CCDC102B: variants seen among roughly 807,000 people sequenced by gnomAD.
CCDC102B encodes the protein coiled-coil domain-containing protein 102B.
CCDC102B carries 75 observed loss-of-function variants against 57.4 expected under a neutral mutation model. The ratio of observed to expected loss-of-function variants is 1.31; its 90% CI spans 1.08 to 1.58. The LOEUF (loss-of-function observed/expected upper bound fraction) is 1.58. CCDC102B is among the 40% of genes most tolerant of loss of function. The probability of loss-of-function intolerance (pLI) is 0.00; values close to 1 mark genes in which losing one functional copy is unlikely to be tolerated. For missense variants in CCDC102B, 636 were observed against 582.6 expected (o/e 1.09, Z -0.94); for synonymous variants, 206 against 201.9 (o/e 1.02, Z -0.17).
intron 7 of CCDC102B, among the ~76,000 whole-genome samples, chr18:69,013,352 T>A (rs1277778781): frequency 6.6e-6 from 1 of 152,026 alleles, no homozygotes; most frequent in Non-Finnish European, 1.5e-5. Flanking sequence ...GATAGTGGAA[T>A]GACAGACAAT....
intron 5 of CCDC102B, among the ~76,000 whole-genome samples, chr18:68,884,583 TACACACACAC>T (rs35333428): frequency 1.4e-5 from 2 of 147,898 alleles, no homozygotes; most frequent in Admixed American, 6.8e-5. Context: ...ACAATACAAA[TACACACACAC>T]ACACACACAC....
At chr18:68,715,369 C>T (rs1490635236) in intron 1 of CCDC102B, 4 of 552,526 alleles carry the variant, frequency 7.2e-6, no homozygotes, top group African/African-American at 4.2e-5. Context: ...GAGGTAGGCT[C>T]TGACGACGCA....
chr18:68,892,818 T>C (rs1167004169), intron 5 of CCDC102B, among the ~76,000 whole-genome samples: 1 of 152,216 alleles, frequency 6.6e-6, no homozygotes, highest in African/African-American at 2.4e-5. Flanking sequence ...TCTTGAGGGA[T>C]ACTGCAAAGC....
At chr18:68,912,490 T>G (rs1335002248) in intron 6 of CCDC102B, among the ~76,000 whole-genome samples, 1 of 152,234 alleles carries the variant, frequency 6.6e-6, no homozygotes, top group Non-Finnish European at 1.5e-5. Flanking sequence ...ATGTGGGGCC[T>G]GGAAATCTGT....
At chr18:68,911,762 A>AAAAAAAAAAAAAAAAAC (rs2040880235) in intron 6 of CCDC102B, among the ~76,000 whole-genome samples, 1 of 141,842 alleles carries the variant, frequency 7.1e-6, no homozygotes, top group African/African-American at 2.6e-5. Flanking sequence ...AAAAAAAAAA[A>AAAAAAAAAAAAAAAAAC]AAAAAAAAAA....
At chr18:69,028,478 TA>T (rs1599869643) in intron 7 of CCDC102B, among the ~76,000 whole-genome samples, 1 of 152,236 alleles carries the variant, frequency 6.6e-6, no homozygotes, top group East Asian at 1.9e-4. Context: ...ACCATGGAAA[TA>T]TTGTAGGAAG....
chr18:68,984,594 T>C (rs1462582388), intron 6 of CCDC102B, among the ~76,000 whole-genome samples: 1 of 152,136 alleles, frequency 6.6e-6, no homozygotes, highest in Non-Finnish European at 1.5e-5. Context: ...ACTGGACCCA[T>C]GTTGCACAAC....
chr18:68,737,123 G>T (rs1324717434), intron 2 of CCDC102B, among the ~76,000 whole-genome samples: 1 of 151,952 alleles, frequency 6.6e-6, no homozygotes, highest in Non-Finnish European at 1.5e-5. Flanking sequence ...GTTCCTGTTT[G>T]TCTGAGGGTG....
chr18:68,907,980 T>G (rs545888344), intron 6 of CCDC102B: 1 of 152,312 alleles, frequency 6.6e-6, no homozygotes, highest in Admixed American at 6.5e-5. Flanking sequence ...AATTTATTGT[T>G]TTCTTTTTTT....
chr18:68,885,038 A>G (rs1458964003), intron 5 of CCDC102B, among the ~76,000 whole-genome samples: 4 of 151,980 alleles, frequency 2.6e-5, no homozygotes, highest in Admixed American at 2.6e-4. Context: ...CTGGTAGTAG[A>G]AGTAGATTAA....
Position 69,046,629 on chromosome 18 carries a change from T to C in CCDC102B, c.1435-7401T>C, listed in dbSNP as rs559781345. Among the ~76,000 whole-genome samples the C allele has an allele frequency of 2.0e-5, 3 of 152,314 alleles. No individual in the cohort carries two copies. The South Asian group carries it at 6.2e-4, about 32-fold the overall frequency. On this transcript the variant is annotated intron_variant, in intron 7 of 7. Coordinates refer to ENST00000360242, the MANE Select transcript of CCDC102B (RefSeq NM_024781.3). ...CCCAATTGTCAATTTTTGCTTTTGT[T>C]GTAATTGCTTTTGGCATCTTTGTCA...
chr18:68,830,657 T>C (rs1217359060), intron 1 of CCDC102B, among the ~76,000 whole-genome samples: 1 of 151,460 alleles, frequency 6.6e-6, no homozygotes, highest in African/African-American at 2.4e-5. Context: ...ATATATATTC[T>C]ATATAATACA....
chr18:68,861,570 T>C (rs1360020063), intron 4 of CCDC102B, among the ~76,000 whole-genome samples: 1 of 152,198 alleles, frequency 6.6e-6, no homozygotes, highest in Non-Finnish European at 1.5e-5. Context: ...AAGAACCATT[T>C]GGATGGAGTA....
chr18:69,006,952 A>G (rs1437556070), intron 6 of CCDC102B, among the ~76,000 whole-genome samples: 1 of 152,230 alleles, frequency 6.6e-6, no homozygotes, highest in Non-Finnish European at 1.5e-5. Flanking sequence ...CAATTTGCAT[A>G]GCTCTCTGAT....
At chr18:68,768,752 C>A (rs991037958) in intron 2 of CCDC102B, among the ~76,000 whole-genome samples, 17 of 151,476 alleles carry the variant, frequency 1.1e-4, no homozygotes, top group African/African-American at 3.9e-4. Context: ...ATATTTATTT[C>A]TTATTTTATT....
chr18:69,017,496 ATCT>A (rs2051703494), intron 7 of CCDC102B, among the ~76,000 whole-genome samples: 1 of 152,046 alleles, frequency 6.6e-6, no homozygotes, highest in African/African-American at 2.4e-5. Flanking sequence ...TTATTTTTAA[ATCT>A]CTTCCTACCT....
chr18:68,805,399 C>G (rs969191449), intron 1 of CCDC102B, among the ~76,000 whole-genome samples: 1 of 152,066 alleles, frequency 6.6e-6, no homozygotes, highest in Non-Finnish European at 1.5e-5. Context: ...AAAGCCTGAT[C>G]AAGAGTGTAG....
chr18:68,804,764 G>A (rs1218202689), intron 1 of CCDC102B, among the ~76,000 whole-genome samples: 9 of 152,036 alleles, frequency 5.9e-5, no homozygotes, highest in South Asian at 2.1e-4. Context: ...ATGATACTGC[G>A]ACTTCAAGAG....
At chr18:68,954,382 T>A (rs987599726) in intron 6 of CCDC102B, among the ~76,000 whole-genome samples, 5 of 152,182 alleles carry the variant, frequency 3.3e-5, no homozygotes, top group African/African-American at 1.2e-4. Context: ...ATCATGCCAC[T>A]GCGCTCCAGC....
Sources: allele counts gnomAD v4.1 joint callset (sites outside exome capture counted in the v4.1 genomes callset), GRCh38; gene constraint gnomAD v4.1.1; transcripts MANE v1.5; gene names NCBI Gene and HGNC (gene_info 2026-07-23, HGNC 2026-07-21).